Variants in SGIP1 observed in about 807,000 individuals in gnomAD.
SGIP1 encodes the protein SH3GL interacting endocytic adaptor 1.
SGIP1 carries 38 observed loss-of-function variants against 107.5 expected under a neutral mutation model. The ratio of observed to expected loss-of-function variants is 0.35; its 90% CI spans 0.27 to 0.46. The LOEUF (loss-of-function observed/expected upper bound fraction) is 0.46, where lower values mean the gene tolerates loss of function less well. Ranked by LOEUF, SGIP1 falls within the 20% of genes least tolerant of loss-of-function variation. The pLI is 1.00. For synonymous variants in SGIP1, 365 were observed against 366.1 expected (o/e 1.00, Z 0.03); for missense variants, 929 against 1,019.5 (o/e 0.91, Z 1.21).
At chr1:66,708,258 T>C (rs1241773231) in intron 18 of SGIP1, among the ~76,000 whole-genome samples, 2 of 152,198 alleles carry the variant, frequency 1.3e-5, no homozygotes, top group Non-Finnish European at 2.9e-5. Flanking sequence ...AGGCATGTAA[T>C]GTGTTTAGCA....
chr1:66,660,133 AAAGAAAGAAGAGAGAAAGAAAGAAAG>A, intron 7 of SGIP1: 1 of 84,852 alleles, frequency 1.2e-5, no homozygotes, highest in African/African-American at 1.0e-4. Context: ...AGAAAGAAAG[AAAGAAAGAAGAGAGAAAGAAAGAAAG>A]AAAGAAAGAA....
chr1:66,670,216 T>C (rs2083461498), intron 9 of SGIP1, among the ~76,000 whole-genome samples: 1 of 152,238 alleles, frequency 6.6e-6, no homozygotes, highest in African/African-American at 2.4e-5. Context: ...TCACAACTTC[T>C]GGTTTTTAAT....
At chr1:66,670,916 T>A in intron 9 of SGIP1, 79 bp from the exon 10 acceptor site, 1 of 661,970 alleles carries the variant, frequency 1.5e-6, no homozygotes, top group Non-Finnish European at 2.4e-6. Context: ...TTCAGTTTAA[T>A]TGCAATGACA....
chr1:66,564,306 T>C (rs1037821833), intron 1 of SGIP1, among the ~76,000 whole-genome samples: 2 of 151,864 alleles, frequency 1.3e-5, no homozygotes, highest in Non-Finnish European at 2.9e-5. Flanking sequence ...GTCCATTGAC[T>C]CTTCTATAAT....
At chr1:66,544,542 A>C (rs2055877116) in intron 1 of SGIP1, among the ~76,000 whole-genome samples, 1 of 152,174 alleles carries the variant, frequency 6.6e-6, no homozygotes, top group Non-Finnish European at 1.5e-5. Flanking sequence ...CAAAAAAATT[A>C]GCTGGGCATG....
intron 1 of SGIP1, among the ~76,000 whole-genome samples, chr1:66,562,586 G>A (rs929503043): frequency 4.6e-5 from 7 of 152,140 alleles, no homozygotes; most frequent in South Asian, 2.1e-4. Flanking sequence ...TACCACCAGC[G>A]GCAGAATATG....
In SGIP1 at chr1:66,675,078, A is replaced by G. The variant is rs556198591; in HGVS notation, c.646+1712A>G. On this transcript the variant is annotated intron_variant, in intron 12 of 24. Transcript: ENST00000371037. ...TTCCTTATTAACTCATCTGTGATCA[A>G]TCTCACTCTTAATGACATATCGTAT... Among the ~76,000 whole-genome samples, 8 of 152,326 alleles carry G rather than the reference A, an allele frequency of 5.3e-5. No homozygotes were observed. The East Asian group carries it at 5.8e-4, about 11-fold the overall frequency.
intron 18 of SGIP1, among the ~76,000 whole-genome samples, chr1:66,701,941 C>G (rs1207061279): frequency 6.6e-6 from 1 of 152,168 alleles, no homozygotes; most frequent in African/African-American, 2.4e-5. Flanking sequence ...AGGTGTGTTA[C>G]CTTCTATTCC....
At chr1:66,554,946 C>T (rs2057972390) in intron 1 of SGIP1, among the ~76,000 whole-genome samples, 1 of 152,100 alleles carries the variant, frequency 6.6e-6, no homozygotes, top group Non-Finnish European at 1.5e-5. Flanking sequence ...GATGCTCTAT[C>T]TGGAGCCAGG....
At chr1:66,649,418 TCA>T (rs2078284359) in intron 7 of SGIP1, among the ~76,000 whole-genome samples, 1 of 152,170 alleles carries the variant, frequency 6.6e-6, no homozygotes, top group Admixed American at 6.5e-5. Context: ...AGTGAGAGTC[TCA>T]GTTTCTTTCT....
intron 12 of SGIP1, among the ~76,000 whole-genome samples, chr1:66,673,866 A>G (rs2084503106): frequency 6.6e-6 from 1 of 152,142 alleles, no homozygotes; most frequent in African/African-American, 2.4e-5. Flanking sequence ...ACCTTGAATC[A>G]TTTAGAAACT....
At chr1:66,677,924 T>C (rs541377957) in intron 13 of SGIP1, among the ~76,000 whole-genome samples, 11 of 152,358 alleles carry the variant, frequency 7.2e-5, no homozygotes, top group African/African-American at 2.6e-4. Flanking sequence ...CTCCAGAGCT[T>C]ACGCCTTGGT....
At chr1:66,720,897 G>A (rs1297901244) in intron 19 of SGIP1, among the ~76,000 whole-genome samples, 3 of 151,908 alleles carry the variant, frequency 2.0e-5, no homozygotes, top group East Asian at 1.9e-4. Flanking sequence ...GAATCCTCTC[G>A]ACACTTCAGA....
chr1:66,553,127 T>C (rs1187639574), intron 1 of SGIP1, among the ~76,000 whole-genome samples: 1 of 152,110 alleles, frequency 6.6e-6, no homozygotes, highest in Non-Finnish European at 1.5e-5. Context: ...TTGAACTGGG[T>C]CTTGCAGTCT....
chr1:66,560,776 G>GT (rs1298306827), intron 1 of SGIP1, among the ~76,000 whole-genome samples: 2 of 152,050 alleles, frequency 1.3e-5, no homozygotes, highest in Admixed American at 6.6e-5. Flanking sequence ...AACTACCTGG[G>GT]TTAAATCTCA....
At chr1:66,675,390 T>C (rs1434962191) in intron 12 of SGIP1, among the ~76,000 whole-genome samples, 1 of 152,158 alleles carries the variant, frequency 6.6e-6, no homozygotes, top group African/African-American at 2.4e-5. Context: ...TTTCAGCCCC[T>C]GAACTTCTGT....
intron 18 of SGIP1, among the ~76,000 whole-genome samples, chr1:66,700,221 A>T (rs941819358): frequency 2.0e-4 from 31 of 152,118 alleles, no homozygotes; most frequent in Non-Finnish European, 3.8e-4. Flanking sequence ...CAATACAAAA[A>T]TTAGCAGGGC....
intron 1 of SGIP1, among the ~76,000 whole-genome samples, chr1:66,612,377 C>A (rs1314735752): frequency 6.6e-6 from 1 of 152,236 alleles, no homozygotes; most frequent in African/African-American, 2.4e-5. Flanking sequence ...AACATCCAAA[C>A]TATAACAGAA....
chr1:66,605,411 G>A (rs898219723), intron 1 of SGIP1, among the ~76,000 whole-genome samples: 1 of 152,064 alleles, frequency 6.6e-6, no homozygotes, highest in African/African-American at 2.4e-5. Context: ...TATAAAGGGG[G>A]AGTTGTCAAG....
Sources: gnomAD v4.1 joint callset for allele counts (sites outside exome capture counted in the v4.1 genomes callset) on GRCh38, gnomAD v4.1.1 for gene constraint, MANE v1.5 for transcripts, NCBI Gene and HGNC (gene_info 2026-07-23, HGNC 2026-07-21) for gene names.